The following DLG1 variants were observed in gnomAD, a reference collection of about 807,000 sequenced individuals.
The protein encoded by DLG1 is disks large homolog 1.
DLG1 carries 42 observed loss-of-function variants against 123.4 expected under a neutral mutation model. That is an observed-to-expected ratio of 0.34 (90% CI 0.27 to 0.44). The LOEUF is 0.44. Among genes scored for constraint, DLG1 ranks in the 20% least tolerant of loss-of-function variants. The probability of loss-of-function intolerance (pLI) is 1.00; values close to 1 mark genes in which losing one functional copy is unlikely to be tolerated. For synonymous variants in DLG1, 317 were observed against 356.2 expected (o/e 0.89, Z 1.24); for missense variants, 942 against 1,082.6 (o/e 0.87, Z 1.82).
At chr3:197,215,222 C>G (rs1167346175) in intron 4 of DLG1, among the ~76,000 whole-genome samples, 24 of 151,982 alleles carry the variant, frequency 1.6e-4, no homozygotes, top group Non-Finnish European at 5.9e-5. Flanking sequence ...AGGCTGATGA[C>G]TGGAACATAA....
chr3:197,095,964 ATT>A (rs1232538117), intron 14 of DLG1, among the ~76,000 whole-genome samples: 1 of 152,144 alleles, frequency 6.6e-6, no homozygotes, highest in Non-Finnish European at 1.5e-5. Context: ...ACAATCTAGC[ATT>A]TTCTTTGCCT....
rs544093607 is a variant in DLG1 at position 197,173,717 on chromosome 3, C to CA, written c.483+20707dup. ...AAAAAAAGAAGCGTTATGGACCATG[C>CA]AGTAATTGTTGCAACTATCCAACAC... On this transcript the variant is annotated intron_variant, in intron 5 of 24. Coordinates refer to ENST00000667157, the MANE Select transcript of DLG1 (RefSeq NM_001366207.1). 5.9e-5 allele frequency among the ~76,000 whole-genome samples: 9 copies of CA among 152,302 alleles called. No homozygotes were observed. In the South Asian group the frequency reaches 1.0e-3, roughly 18 times the overall value.
At chr3:197,298,330 C>A in intron 1 of DLG1, 1 of 394,604 alleles carries the variant, frequency 2.5e-6, no homozygotes, top group East Asian at 3.6e-5. Flanking sequence ...CTTAAAAGGG[C>A]GGCCGCTGAA....
At chr3:197,107,155 T>A (rs979078687) in intron 13 of DLG1, among the ~76,000 whole-genome samples, 4 of 152,204 alleles carry the variant, frequency 2.6e-5, no homozygotes, top group African/African-American at 9.6e-5. Flanking sequence ...CTTGGCTTCT[T>A]TCACTTATTT....
At chr3:197,083,797 ACAAAAACAAAAAC>A (rs1372846915) in intron 16 of DLG1, among the ~76,000 whole-genome samples, 1 of 115,298 alleles carries the variant, frequency 8.7e-6, no homozygotes, top group African/African-American at 4.3e-5. Flanking sequence ...ATCTCCACAA[ACAAAAACAAAAAC>A]AAAAACAAAA....
chr3:197,297,145 G>A (rs1777828257), intron 2 of DLG1, 41 bp downstream of exon 2: 1 of 1,611,472 alleles, frequency 6.2e-7, no homozygotes, highest in Non-Finnish European at 8.5e-7. Context: ...ACACGGAAAA[G>A]CAAGTGACAT....
At chr3:197,109,100 C>A (rs1168319570) in intron 13 of DLG1, among the ~76,000 whole-genome samples, 13 of 152,036 alleles carry the variant, frequency 8.6e-5, no homozygotes, top group Admixed American at 8.5e-4. Context: ...GACTGTAATC[C>A]CAGTGACTCA....
chr3:197,218,428 T>C (rs1735157828), intron 4 of DLG1, among the ~76,000 whole-genome samples: 1 of 152,204 alleles, frequency 6.6e-6, no homozygotes, highest in Non-Finnish European at 1.5e-5. Flanking sequence ...CTCCAGCAAG[T>C]GCCAAAGACA....
At chr3:197,192,195 A>G (rs1031203866) in intron 5 of DLG1, among the ~76,000 whole-genome samples, 1 of 152,192 alleles carries the variant, frequency 6.6e-6, no homozygotes, top group East Asian at 1.9e-4. Flanking sequence ...CAAAAAAGAC[A>G]AAATGGAAGG....
chr3:197,122,257 T>C (rs1776816930), intron 11 of DLG1, among the ~76,000 whole-genome samples: 1 of 151,994 alleles, frequency 6.6e-6, no homozygotes, highest in African/African-American at 2.4e-5. Context: ...TGGATAAAAT[T>C]CAATACTTAC....
intron 4 of DLG1, among the ~76,000 whole-genome samples, chr3:197,216,513 A>G (rs1734201174): frequency 6.6e-6 from 1 of 152,168 alleles, no homozygotes; most frequent in Non-Finnish European, 1.5e-5. Flanking sequence ...GTCACATAAG[A>G]TTTCCTGAAT....
rs1408403240 is a variant in DLG1 at position 197,062,362 on chromosome 3, TGCGAC to T, written c.2374-2369_2374-2365del. 3.3e-5 allele frequency among the ~76,000 whole-genome samples: 5 copies of T among 152,362 alleles called. No individual in the cohort carries two copies. In the East Asian group the frequency reaches 9.6e-4, roughly 29 times the overall value. ...GCTGTATGGGTACTTGAAGTATGGC[TGCGAC>T]TGAATATGCATCACTTTTGCGCCTC... On this transcript the variant is annotated intron_variant, in intron 22 of 24. Transcript: ENST00000667157.
At chr3:197,202,194 T>C (rs1046791767) in intron 4 of DLG1, among the ~76,000 whole-genome samples, 1 of 152,114 alleles carries the variant, frequency 6.6e-6, no homozygotes, top group African/African-American at 2.4e-5. Flanking sequence ...TGAGAAGAAT[T>C]ACAAAACGAG....
intron 4 of DLG1, among the ~76,000 whole-genome samples, chr3:197,246,772 A>G (rs942057594): frequency 9.9e-5 from 15 of 152,154 alleles, no homozygotes; most frequent in African/African-American, 1.2e-4. Flanking sequence ...TGCTCAACCT[A>G]GTGGATTTCA....
intron 22 of DLG1, among the ~76,000 whole-genome samples, chr3:197,064,738 T>C (rs1384378970): frequency 6.6e-6 from 1 of 152,218 alleles, no homozygotes; most frequent in Non-Finnish European, 1.5e-5. Context: ...CAATAGTTTT[T>C]GGAAAAAGTC....
chr3:197,144,274 A>G (rs1049301573), intron 6 of DLG1, among the ~76,000 whole-genome samples: 2 of 152,096 alleles, frequency 1.3e-5, no homozygotes, highest in Admixed American at 6.6e-5. Flanking sequence ...CTTGGAATAT[A>G]TTTTCTTTAG....
intron 11 of DLG1, among the ~76,000 whole-genome samples, chr3:197,120,106 A>G (rs1307120713): frequency 6.6e-6 from 1 of 152,082 alleles, no homozygotes; most frequent in Non-Finnish European, 1.5e-5. Context: ...CCAAAAAAAT[A>G]CAAAAATTAG....
chr3:197,101,438 T>G (rs925646091), intron 14 of DLG1, among the ~76,000 whole-genome samples: 5 of 151,498 alleles, frequency 3.3e-5, no homozygotes, highest in African/African-American at 1.2e-4. Flanking sequence ...CAGGCTGGAG[T>G]GCAGTGGCGT....
chr3:197,175,012 A>G (rs746671717), intron 5 of DLG1, among the ~76,000 whole-genome samples: 1 of 152,216 alleles, frequency 6.6e-6, no homozygotes, highest in Non-Finnish European at 1.5e-5. Context: ...GCTTAAAGGA[A>G]AAAGAATGAA....
Sources: allele counts gnomAD v4.1 joint callset (sites outside exome capture counted in the v4.1 genomes callset), GRCh38; gene constraint gnomAD v4.1.1; transcripts MANE v1.5; gene names NCBI Gene and HGNC (gene_info 2026-07-23, HGNC 2026-07-21).